Variants in CSMD1 observed in about 807,000 individuals in gnomAD.
CSMD1 encodes CUB and Sushi multiple domains 1, also known as CUB and sushi domain-containing protein 1.
A neutral mutation model predicts 417.5 loss-of-function variants in CSMD1; 213 were observed. That is an observed-to-expected ratio of 0.51 (90% confidence interval 0.46 to 0.57). CSMD1 has a LOEUF of 0.57. Among genes scored for constraint, CSMD1 ranks in the 20% least tolerant of loss-of-function variants. CSMD1 has a pLI of 0.00. For synonymous variants in CSMD1, 2,862 were observed against 1,736.8 expected (o/e 1.65, Z -16.11); for missense variants, 6,923 against 4,529.7 (o/e 1.53, Z -15.17).
At chr8:4,107,725 G>C (rs964659345) in intron 3 of CSMD1, among the ~76,000 whole-genome samples, 3 of 152,152 alleles carry the variant, frequency 2.0e-5, no homozygotes, top group African/African-American at 7.2e-5. Flanking sequence ...ATCAGATGCT[G>C]TGATTAAAGG....
intron 1 of CSMD1, among the ~76,000 whole-genome samples, chr8:4,699,976 T>C (rs1438549983): frequency 1.3e-5 from 2 of 152,202 alleles, no homozygotes; most frequent in Non-Finnish European, 2.9e-5. Context: ...TGTAATTCTC[T>C]CTCATTATAA....
intron 3 of CSMD1, among the ~76,000 whole-genome samples, chr8:4,141,997 T>A (rs953491824): frequency 6.6e-6 from 1 of 151,004 alleles, no homozygotes; most frequent in African/African-American, 2.5e-5. Context: ...TCTCAACTTA[T>A]ATATTCAATG....
intron 12 of CSMD1, among the ~76,000 whole-genome samples, chr8:3,457,516 C>T (rs939248685): frequency 9.2e-5 from 14 of 152,244 alleles, no homozygotes; most frequent in South Asian, 2.1e-4. Flanking sequence ...TCATCAAAAC[C>T]GCATGCCACG....
chr8:4,844,137 C>G (rs1013990871), intron 1 of CSMD1, among the ~76,000 whole-genome samples: 1 of 152,092 alleles, frequency 6.6e-6, no homozygotes, highest in Non-Finnish European at 1.5e-5. Flanking sequence ...ATTTACAAAT[C>G]ATATTTTTTC....
chr8:4,613,478 G>A (rs539453559), intron 2 of CSMD1, among the ~76,000 whole-genome samples: 23 of 152,246 alleles, frequency 1.5e-4, no homozygotes, highest in Admixed American at 8.5e-4. Context: ...ACCATGGCCT[G>A]GAAGAGCATA....
intron 3 of CSMD1, among the ~76,000 whole-genome samples, chr8:4,317,670 A>T (rs1799013812): frequency 6.6e-6 from 1 of 152,138 alleles, no homozygotes; most frequent in South Asian, 2.1e-4. Context: ...AGTTTAAATC[A>T]ATAGTTCTTT....
intron 5 of CSMD1, among the ~76,000 whole-genome samples, chr8:3,915,030 C>T (rs777444128): frequency 1.5e-4 from 23 of 152,108 alleles, no homozygotes; most frequent in Non-Finnish European, 3.2e-4. Flanking sequence ...GGAGATTCTA[C>T]AAACACATCC....
In CSMD1 at chr8:3,162,219, T is replaced by A; in HGVS notation, c.5784A>T (p.Gly1928=). 3 of 1,611,724 alleles carry A rather than the reference T, an allele frequency of 1.9e-6. No homozygotes were observed. The highest frequency in any genetic ancestry group is 2.5e-6 in the Non-Finnish European group (3 of 1,179,048). The change falls in exon 38 of 70, where the codon GGA becomes GGT. Residue 1928 remains glycine, a synonymous_variant. Transcript: ENST00000635120. The part of the protein sequence containing the change: ...PALPSNSIKI[G]DRYMVNDVLS... ...GCACGTCGTTCACCATGTACCGATC[T>A]CCGATTTTGATGCTGTTGCTGGGGA...
chr8:4,263,890 T>G (rs1471775093), intron 3 of CSMD1, among the ~76,000 whole-genome samples: 3 of 152,212 alleles, frequency 2.0e-5, no homozygotes, highest in Admixed American at 1.3e-4. Flanking sequence ...TCAGAACAAT[T>G]ATAGACACAA....
At chr8:3,961,349 C>T (rs141960018) in intron 5 of CSMD1, among the ~76,000 whole-genome samples, 2 of 152,156 alleles carry the variant, frequency 1.3e-5, no homozygotes, top group Non-Finnish European at 2.9e-5. Context: ...ACCGGGTAAG[C>T]CACTGAAGAA....
At chr8:4,181,375 T>G (rs1184317136) in intron 3 of CSMD1, among the ~76,000 whole-genome samples, 1 of 151,950 alleles carries the variant, frequency 6.6e-6, no homozygotes, top group Non-Finnish European at 1.5e-5. Context: ...TTATTTTTTT[T>G]TTGAATGCTT....
chr8:4,639,844 A>C (rs1191009591), intron 1 of CSMD1, among the ~76,000 whole-genome samples: 1 of 152,218 alleles, frequency 6.6e-6, no homozygotes, highest in East Asian at 1.9e-4. Flanking sequence ...GGGATTTATG[A>C]GTTTAAAACC....
At chr8:4,116,025 G>T (rs73173865) in intron 3 of CSMD1, among the ~76,000 whole-genome samples, 20,144 of 150,346 alleles carry the variant, frequency 0.13, 1,656 homozygotes, top group African/African-American at 0.22. Flanking sequence ...TATGGAGAGG[G>T]AGTCTCACTC....
chr8:3,534,589 A>T (rs1223432300), intron 10 of CSMD1, among the ~76,000 whole-genome samples: 1 of 117,364 alleles, frequency 8.5e-6, no homozygotes, highest in East Asian at 2.8e-4. Flanking sequence ...GACTGATCTA[A>T]AAGTTGTGTT....
At chr8:4,756,349 T>C (rs1039128868) in intron 1 of CSMD1, among the ~76,000 whole-genome samples, 21 of 152,158 alleles carry the variant, frequency 1.4e-4, no homozygotes, top group African/African-American at 5.1e-4. Context: ...AATTCAGGCA[T>C]ACTGGCCATA....
intron 7 of CSMD1, among the ~76,000 whole-genome samples, chr8:3,673,436 T>C (rs1799189816): frequency 1.3e-5 from 2 of 152,242 alleles, no homozygotes; most frequent in Non-Finnish European, 2.9e-5. Flanking sequence ...CCTTGGTCTC[T>C]GGGTACAATG....
At chr8:3,294,726 C>G (rs1426932302) in intron 25 of CSMD1, among the ~76,000 whole-genome samples, 1 of 152,126 alleles carries the variant, frequency 6.6e-6, no homozygotes, top group African/African-American at 2.4e-5. Flanking sequence ...ATCTGTCACC[C>G]CTTTCTTTGA....
In CSMD1 at chr8:3,383,947, G is replaced by A. The variant is rs550134167; in HGVS notation, c.2782+3547C>T. On this transcript the variant is annotated intron_variant, in intron 18 of 69. Coordinates refer to ENST00000635120, the MANE Select transcript of CSMD1 (RefSeq NM_033225.6). ...ATATGGATGGACCCCACAGACTTAA[G>A]GTTGCAGGAAAGAAGCTGGACAAAC... Among the ~76,000 whole-genome samples, 11 of 152,140 alleles carry A rather than the reference G, an allele frequency of 7.2e-5. 1 individual carries two copies. Among genetic ancestry groups the A allele is most frequent in the Admixed American group, 4.6e-4 (7 of 15,282 alleles).
At chr8:4,774,067 G>T (rs1459252135) in intron 1 of CSMD1, among the ~76,000 whole-genome samples, 1 of 152,084 alleles carries the variant, frequency 6.6e-6, no homozygotes, top group African/African-American at 2.4e-5. Context: ...CATGGCGATA[G>T]ATGCCTGTAA....
Sources: allele counts gnomAD v4.1 joint callset (sites outside exome capture counted in the v4.1 genomes callset), GRCh38; gene constraint gnomAD v4.1.1; transcripts MANE v1.5; gene names NCBI Gene and HGNC (gene_info 2026-07-23, HGNC 2026-07-21).